The following RCOR2 variants were observed in gnomAD, a reference collection of about 807,000 sequenced individuals.
RCOR2 encodes the protein REST corepressor 2.
RCOR2 carries 19 observed loss-of-function variants against 58.9 expected under a neutral mutation model. The ratio of observed to expected loss-of-function variants is 0.32; its 90% CI spans 0.23 to 0.47. The LOEUF is 0.47. RCOR2 is among the 20% of genes least tolerant of loss of function. RCOR2 has a pLI of 1.00. For missense variants in RCOR2, 590 were observed against 707.9 expected, an observed-to-expected ratio of 0.83 and a Z score of 1.89; for synonymous variants, 286 against 278.7, an observed-to-expected ratio of 1.03 and a Z score of -0.26.
chr11:63,918,579 CA>C (rs1941893391), upstream of RCOR2, among the ~76,000 whole-genome samples: 1 of 152,184 alleles, frequency 6.6e-6, no homozygotes, highest in Non-Finnish European at 1.5e-5. Flanking sequence ...ATGAATGGAC[CA>C]GGGGCTGGTC....
chr11:63,913,997 G>A lies in RCOR2; in HGVS notation c.848C>T (p.Thr283Met), dbSNP rs774957937. The A allele has an allele frequency of 9.3e-6, 15 of 1,613,728 alleles. No individual in the cohort carries two copies. In the African/African-American group the frequency reaches 1.2e-4, roughly 13 times the overall value. Residue 283 changes from threonine to methionine, a missense_variant, in exon 8 of 12, where the codon ACG becomes ATG. Physicochemically the swap from Thr to Met is moderately conservative, Grantham distance 81 (BLOSUM62 -1). This residue lies in a region of RCOR2 where 390 missense variants were observed against 478.7 expected (regional missense o/e 0.81). Coordinates refer to ENST00000301459, the MANE Select transcript of RCOR2 (RefSeq NM_173587.4). ...GAGCTGAGAGTCAAGACCTCGGAGC[G>A]TGAGGTTGGCAAGGTCCGGGCTTCC... is the stretch of plus-strand genomic sequence containing the variant. The part of the protein sequence containing the change: ...VSGSPDLANL[T>M]LRGLDSQLIS...
chr11:63,923,716 G>A, the RCOR2 span, among the ~76,000 whole-genome samples: 4 of 151,984 alleles, frequency 2.6e-5, no homozygotes, highest in Admixed American at 6.6e-5. Flanking sequence ...ATATCAAACC[G>A]TGGGCTGTGG....
chr11:63,916,551 A>G lies in RCOR2; in HGVS notation c.-95T>C. 6.8e-7 allele frequency: 1 copy of G among 1,479,072 alleles called. No individual in the cohort carries two copies. Among genetic ancestry groups the G allele is most frequent in the Non-Finnish European group, 9.0e-7 (1 of 1,117,050 alleles). 91.6% of individuals were successfully genotyped at this position (1,479,072 alleles called of 1,614,324 possible). On this transcript the variant is annotated 5_prime_UTR_variant, in exon 1 of 12. Coordinates refer to ENST00000301459, the MANE Select transcript of RCOR2 (RefSeq NM_173587.4). ...GAGTGCCGAGCCCGGCCCGGCCTGGAGAGGTCGCCACTGAGGTTAGGAGAG... is the reference window on the plus strand; with the variant it reads ...GAGTGCCGAGCCCGGCCCGGCCTGGGGAGGTCGCCACTGAGGTTAGGAGAG...
At chr11:63,915,711 G>T (rs562198771) in intron 1 of RCOR2, 100 bp from the exon 2 acceptor site, 31 of 1,045,990 alleles carry the variant, frequency 3.0e-5, no homozygotes, top group Non-Finnish European at 2.7e-5. Flanking sequence ...TCTCCTTCCT[G>T]ACCACCCAGG....
chr11:63,915,649 G>T, intron 1 of RCOR2, 38 bp from the exon 2 acceptor site: 1 of 1,348,802 alleles, frequency 7.4e-7, no homozygotes, highest in Non-Finnish European at 1.0e-6. Context: ...ACTCCAGGGA[G>T]GGCGGGCGGG....
chr11:63,915,449 A>G (rs1012721064), intron 2 of RCOR2, 106 bp downstream of exon 2: 2 of 1,291,434 alleles, frequency 1.5e-6, no homozygotes, highest in Non-Finnish European at 2.2e-6. Context: ...CACCCCTGCC[A>G]GCCTGCCCTT....
intron 8 of RCOR2, 48 bp from the exon 9 acceptor site, chr11:63,912,995 G>T: frequency 6.5e-7 from 1 of 1,528,752 alleles, no homozygotes. Flanking sequence ...ATCTCAGGCA[G>T]GCCACTATGC....
chr11:63,915,007 C>T, intron 3 of RCOR2, 53 bp from the exon 4 acceptor site: 1 of 1,607,682 alleles, frequency 6.2e-7, no homozygotes, highest in Non-Finnish European at 8.5e-7. Context: ...AGCTCCTAAC[C>T]CAGGCCTGTC....
rs760785652 is a variant in RCOR2, at chr11:63,915,617, G to A, written c.128-6C>T. ...TCCAACGCGGATCATGCTGTCTGTGGAGCCAGGGGGAGGCAGTCAGGACTC... is the reference window on the plus strand; with the variant it reads ...TCCAACGCGGATCATGCTGTCTGTGAAGCCAGGGGGAGGCAGTCAGGACTC... On this transcript the variant is annotated splice_region_variant and splice_polypyrimidine_tract_variant and intron_variant, in intron 1 of 11. Transcript: ENST00000301459. The A allele has an allele frequency of 3.2e-6, 5 of 1,544,806 alleles. No homozygotes were observed. Among genetic ancestry groups the A allele is most frequent in the Non-Finnish European group, 4.4e-6 (5 of 1,142,872 alleles).
chr11:63,915,407 G>A, intron 2 of RCOR2, 148 bp downstream of exon 2: 5 of 1,107,220 alleles, frequency 4.5e-6, no homozygotes, highest in Non-Finnish European at 5.3e-6. Flanking sequence ...AGGAAGGCAG[G>A]GCAGGAAAGC....
chr11:63,926,402 G>A, the RCOR2 span, among the ~76,000 whole-genome samples: 1 of 151,878 alleles, frequency 6.6e-6, no homozygotes, highest in Admixed American at 6.6e-5. Context: ...GATGCCCTGA[G>A]TCCCCTCTCT....
At chr11:63,927,587 C>A in the RCOR2 span, among the ~76,000 whole-genome samples, 3 of 152,124 alleles carry the variant, frequency 2.0e-5, no homozygotes, top group Non-Finnish European at 4.4e-5. Flanking sequence ...CTTTTTATCA[C>A]CTACTGGAGG....
intron 1 of RCOR2, 46 bp downstream of exon 1, chr11:63,916,284 C>T (rs1941855748): frequency 6.5e-7 from 1 of 1,530,420 alleles, no homozygotes; most frequent in Non-Finnish European, 8.9e-7. Flanking sequence ...CCCCACTCCG[C>T]TCCCCCCAGG....
chr11:63,921,791 G>A (rs1464942925), upstream of RCOR2, among the ~76,000 whole-genome samples: 5 of 152,224 alleles, frequency 3.3e-5, no homozygotes, highest in Admixed American at 3.3e-4. Context: ...CCCATGCCCA[G>A]TGGACCAGTT....
At position 63,912,456 on chromosome 11, in the gene RCOR2, A is replaced by T; in HGVS notation, c.1106T>A (p.Phe369Tyr). 1 of 1,613,974 alleles carries T rather than the reference A, an allele frequency of 6.2e-7. No homozygotes were observed. ...GNKTLTQVKT[F>Y]FVSYRRRFNL... ...GAAGCGGCGCCGGTAGCTCACAAAG[A>T]AAGTCTTCACCTGGGTCAGAGTCTT... The change falls in exon 11 of 12, where the codon TTC (phenylalanine) becomes TAC (tyrosine). Residue 369 changes from phenylalanine (F) to tyrosine (Y), a missense_variant. Phe to Tyr is a conservative substitution (Grantham distance 22). This residue lies in a region of RCOR2 where 196 missense variants were observed against 210.7 expected (regional missense o/e 0.93). Transcript: ENST00000301459.
rs776545953 is a variant in RCOR2 at position 63,912,259 on chromosome 11, C to T, written c.1257+46G>A. 3.4e-5 allele frequency: 54 copies of T among 1,596,832 alleles called. 1 individual carries two copies. Among genetic ancestry groups the T allele is most frequent in the South Asian group, 3.2e-4 (29 of 90,704 alleles). Reference sequence around the variant, plus strand: ...TAAGGACCAAGGCGGCGCCTCACCTCGCCTCGCCTCTCCTCTCTGAGGGGT... The same window carrying T: ...TAAGGACCAAGGCGGCGCCTCACCTTGCCTCGCCTCTCCTCTCTGAGGGGT... On this transcript the variant is annotated intron_variant, in intron 11 of 11. Coordinates refer to ENST00000301459, the MANE Select transcript of RCOR2 (RefSeq NM_173587.4).
At chr11:63,922,711 C>T in the RCOR2 span, among the ~76,000 whole-genome samples, 1 of 152,184 alleles carries the variant, frequency 6.6e-6, no homozygotes, top group South Asian at 2.1e-4. Flanking sequence ...CAGCCTTCCA[C>T]GGTTCCCTAT....
In RCOR2 at chr11:63,911,822, C is replaced by G; in HGVS notation, c.*43G>C. 1.4e-6 allele frequency: 2 copies of G among 1,475,636 alleles called. No homozygotes were observed. Among genetic ancestry groups the G allele is most frequent in the Non-Finnish European group, 1.8e-6 (2 of 1,126,722 alleles). The allele number at this position is 1,475,636 out of a possible 1,614,324, so 91.4% of individuals were successfully genotyped here. ...ACCAGAGATGCCTGGGGATGGCCAG[C>G]AAAGGGGTCCTGGAGCCCGTGGTTG... On this transcript the variant is annotated 3_prime_UTR_variant, in exon 12 of 12. Coordinates refer to ENST00000301459, the MANE Select transcript of RCOR2 (RefSeq NM_173587.4).
upstream of RCOR2, among the ~76,000 whole-genome samples, chr11:63,921,938 A>G (rs1467679381): frequency 6.6e-6 from 1 of 152,246 alleles, no homozygotes; most frequent in East Asian, 1.9e-4. Flanking sequence ...CTTAATCCCT[A>G]CTACAACAGT....
Sources: gnomAD v4.1 joint callset for allele counts (sites outside exome capture counted in the v4.1 genomes callset) on GRCh38, gnomAD v4.1.1 for gene constraint, gnomAD v4.1.1 regional missense constraint, MANE v1.5 for transcripts, NCBI Gene and HGNC (gene_info 2026-07-23, HGNC 2026-07-21) for gene names.